The following MAF variants were observed in gnomAD, a reference collection of about 807,000 sequenced individuals.
The protein encoded by MAF is MAF bZIP transcription factor, also known as transcription factor Maf.
In MAF, 10 loss-of-function variants were observed where a neutral mutation model predicts 22.0. That is an observed-to-expected ratio of 0.45 (90% CI 0.28 to 0.77). The LOEUF (loss-of-function observed/expected upper bound fraction) is 0.77. Among genes scored for constraint, MAF ranks in the 30% least tolerant of loss-of-function variants. The pLI is 0.12. For synonymous variants in MAF, 337 were observed against 255.8 expected (o/e 1.32, Z -3.03); for missense variants, 544 against 548.4 (o/e 0.99, Z 0.08).
At chr16:79,313,276 TCTGCACAG>T in the MAF span, among the ~76,000 whole-genome samples, 1 of 152,248 alleles carries the variant, frequency 6.6e-6, no homozygotes, top group Admixed American at 6.5e-5. Flanking sequence ...ATTAATTTTT[TCTGCACAG>T]CAGAAGGGGG....
At chr16:79,494,720 T>A in the MAF span, among the ~76,000 whole-genome samples, 4 of 152,116 alleles carry the variant, frequency 2.6e-5, no homozygotes, top group African/African-American at 9.7e-5. Flanking sequence ...ACTGACTGAG[T>A]GTCCCGGTAA....
the MAF span, among the ~76,000 whole-genome samples, chr16:79,211,225 A>G: frequency 6.6e-6 from 1 of 152,164 alleles, no homozygotes; most frequent in Admixed American, 6.5e-5. Flanking sequence ...TTTGGTATCG[A>G]ATTACATTAT....
chr16:79,226,183 G>T, the MAF span, among the ~76,000 whole-genome samples: 1 of 152,158 alleles, frequency 6.6e-6, no homozygotes, highest in African/African-American at 2.4e-5. Context: ...TATATACCAT[G>T]GAATACTATG....
the MAF span, among the ~76,000 whole-genome samples, chr16:79,263,354 T>A: frequency 2.0e-5 from 3 of 152,302 alleles, no homozygotes; most frequent in South Asian, 2.1e-4. Flanking sequence ...AATATTAACA[T>A]AGCACTTTGG....
chr16:79,553,287 C>A, the MAF span, among the ~76,000 whole-genome samples: 57 of 152,362 alleles, frequency 3.7e-4, no homozygotes, highest in African/African-American at 9.9e-4. Flanking sequence ...TCCATCATGG[C>A]AGAGAAATCT....
chr16:79,375,850 AG>A, the MAF span, among the ~76,000 whole-genome samples: 1 of 152,202 alleles, frequency 6.6e-6, no homozygotes, highest in Non-Finnish European at 1.5e-5. Context: ...GAACCTGGGA[AG>A]CATACCATCA....
the MAF span, among the ~76,000 whole-genome samples, chr16:79,497,321 C>CT: frequency 1.5e-4 from 23 of 152,244 alleles, no homozygotes; most frequent in African/African-American, 4.8e-4. Flanking sequence ...AGAAGGCACC[C>CT]TTTTTTACCA....
chr16:79,546,556 G>C, the MAF span, among the ~76,000 whole-genome samples: 1 of 152,086 alleles, frequency 6.6e-6, no homozygotes, highest in Non-Finnish European at 1.5e-5. Flanking sequence ...GATTATTATG[G>C]GGTTAAGAAA....
chr16:79,550,744 C>A, the MAF span, among the ~76,000 whole-genome samples: 1 of 151,680 alleles, frequency 6.6e-6, no homozygotes, highest in African/African-American at 2.4e-5. Flanking sequence ...ACCATCTAAT[C>A]TGTGGCTAGA....
At chr16:79,445,331 C>G in the MAF span, among the ~76,000 whole-genome samples, 29 of 152,316 alleles carry the variant, frequency 1.9e-4, no homozygotes, top group Middle Eastern at 6.8e-3. Flanking sequence ...GCGTGAGCCA[C>G]TGCGCCCGGC....
At chr16:79,363,742 G>A in the MAF span, among the ~76,000 whole-genome samples, 3 of 152,116 alleles carry the variant, frequency 2.0e-5, no homozygotes, top group Non-Finnish European at 4.4e-5. Flanking sequence ...GGGGTCACTG[G>A]GGCAAGACTT....
chr16:79,546,632 C>A, the MAF span, among the ~76,000 whole-genome samples: 360 of 152,280 alleles, frequency 2.4e-3, 1 homozygote, highest in African/African-American at 7.8e-3. Context: ...TGGCTCTAAA[C>A]TCTATCTCTT....
the MAF span, among the ~76,000 whole-genome samples, chr16:79,313,449 C>T: frequency 6.6e-6 from 1 of 152,260 alleles, no homozygotes; most frequent in Middle Eastern, 3.4e-3. Flanking sequence ...CCCCAGGCAT[C>T]ACCTCCCACT....
chr16:79,426,582 G>C, the MAF span, among the ~76,000 whole-genome samples: 23 of 152,160 alleles, frequency 1.5e-4, no homozygotes, highest in Non-Finnish European at 3.1e-4. Context: ...GCCAGCTACA[G>C]AGTCAAGTGT....
At chr16:79,220,708 G>C in the MAF span, among the ~76,000 whole-genome samples, 4 of 152,118 alleles carry the variant, frequency 2.6e-5, no homozygotes, top group South Asian at 4.1e-4. Context: ...GAGAATGCTG[G>C]GGTCAAACAA....
chr16:79,568,027 A>T, the MAF span, among the ~76,000 whole-genome samples: 1 of 152,012 alleles, frequency 6.6e-6, no homozygotes, highest in African/African-American at 2.4e-5. Context: ...AGAATAAATA[A>T]GCTGCATCTT....
the MAF span, among the ~76,000 whole-genome samples, chr16:79,458,109 A>AGTGTGTGTGTGTGTGTGTGTGT: frequency 4.5e-3 from 617 of 136,408 alleles, 12 homozygotes; most frequent in Non-Finnish European, 6.7e-3. Flanking sequence ...GGTATGTATA[A>AGTGTGTGTGTGTGTGTGTGTGT]GTGTGTGTGT....
the MAF span, among the ~76,000 whole-genome samples, chr16:79,250,760 G>C: frequency 1.9e-4 from 29 of 152,244 alleles, no homozygotes; most frequent in African/African-American, 6.7e-4. Context: ...AATCCGTTAC[G>C]CATTGATTCC....
chr16:79,513,475 G>A, the MAF span, among the ~76,000 whole-genome samples: 75 of 152,292 alleles, frequency 4.9e-4, no homozygotes, highest in South Asian at 0.01. Context: ...CACAGCAGAC[G>A]GTCAATGAAA....
Sources: gnomAD v4.1 joint callset for allele counts (sites outside exome capture counted in the v4.1 genomes callset) on GRCh38, gnomAD v4.1.1 for gene constraint, MANE v1.5 for transcripts, NCBI Gene and HGNC (gene_info 2026-07-23, HGNC 2026-07-21) for gene names.